The following EPRS1 variants were observed in gnomAD, a reference collection of about 807,000 sequenced individuals.
The protein encoded by EPRS1 is bifunctional glutamate/proline--tRNA ligase.
EPRS1 carries 107 observed loss-of-function variants against 188.3 expected under a neutral mutation model. That is an observed-to-expected ratio of 0.57 (90% CI 0.49 to 0.67). The LOEUF (loss-of-function observed/expected upper bound fraction) is 0.67. Among genes scored for constraint, EPRS1 ranks in the 30% least tolerant of loss-of-function variants. The pLI, the probability that EPRS1 is intolerant of heterozygous loss-of-function variation, is 0.00. For synonymous variants in EPRS1, 596 were observed against 593.1 expected, an observed-to-expected ratio of 1.00 and a Z score of -0.07; for missense variants, 1,577 against 1,802.2, an observed-to-expected ratio of 0.88 and a Z score of 2.26.
At chr1:220,003,627 T>C (rs1187159529) in intron 16 of EPRS1, among the ~76,000 whole-genome samples, 1 of 152,224 alleles carries the variant, frequency 6.6e-6, no homozygotes, top group Non-Finnish European at 1.5e-5. Flanking sequence ...AGCTATTCAG[T>C]TCTTCTAGCA....
chr1:220,025,825 C>T lies in EPRS1; in HGVS notation c.624-567G>A, dbSNP rs560885350. On this transcript the variant is annotated intron_variant, in intron 6 of 31. Transcript: ENST00000366923. ...TTTTTTTTTTTTTGAGACGGAATCT[C>T]GCTCTGTCGCCCAGGCTGGAGTGCA... Among the ~76,000 whole-genome samples, 1,118 of 149,800 alleles carry T rather than the reference C, an allele frequency of 7.5e-3. 21 individuals are homozygous for T. Among genetic ancestry groups the T allele is most frequent in the Non-Finnish European group, 6.7e-3 (456 of 67,696 alleles).
At chr1:220,029,028 C>A (rs536971011) in intron 6 of EPRS1, among the ~76,000 whole-genome samples, 19 of 152,100 alleles carry the variant, frequency 1.2e-4, no homozygotes, top group African/African-American at 4.3e-4. Flanking sequence ...ACTCACTATT[C>A]CCAGAAGTGA....
intron 12 of EPRS1, among the ~76,000 whole-genome samples, chr1:220,016,058 G>T (rs758800367): frequency 1.3e-5 from 2 of 152,126 alleles, no homozygotes; most frequent in Admixed American, 6.5e-5. Context: ...AGACAGAAAA[G>T]TATGCAGGGG....
intron 17 of EPRS1, among the ~76,000 whole-genome samples, chr1:219,999,876 T>C (rs910502431): frequency 8.5e-5 from 13 of 152,150 alleles, no homozygotes; most frequent in Non-Finnish European, 1.9e-4. Context: ...CTTGGGAGGC[T>C]GAGGCAAGAA....
chr1:219,972,981 C>A (rs1203271188), intron 29 of EPRS1, among the ~76,000 whole-genome samples: 3 of 152,136 alleles, frequency 2.0e-5, no homozygotes, highest in Admixed American at 2.0e-4. Flanking sequence ...CTCATAAAAG[C>A]CTAGATTTAA....
chr1:219,982,918 T>G, intron 22 of EPRS1, 74 bp from the exon 23 acceptor site: 1 of 1,310,672 alleles, frequency 7.6e-7, no homozygotes, highest in East Asian at 2.3e-5. Flanking sequence ...TGCAGGCAAA[T>G]TTCCTCTGTT....
At chr1:219,985,978 A>G (rs1399023061) in intron 20 of EPRS1, among the ~76,000 whole-genome samples, 1 of 152,190 alleles carries the variant, frequency 6.6e-6, no homozygotes, top group African/African-American at 2.4e-5. Context: ...GGCACTAAGA[A>G]AGTAAAAGGT....
intron 20 of EPRS1, 46 bp downstream of exon 20, chr1:219,987,096 A>G: frequency 6.4e-7 from 1 of 1,570,180 alleles, no homozygotes; most frequent in Non-Finnish European, 8.6e-7. Context: ...TAAGAATTGA[A>G]TTAATTCACT....
chr1:220,020,870 A>ATATATATATATATATATATATATATG (rs1219334636), intron 9 of EPRS1, among the ~76,000 whole-genome samples: 5 of 77,294 alleles, frequency 6.5e-5, no homozygotes, highest in Non-Finnish European at 1.3e-4. Context: ...ATATATATAT[A>ATATATATATATATATATATATATATG]TTAGTGCATT....
At chr1:220,007,569 C>T (rs1446404388) in intron 13 of EPRS1, among the ~76,000 whole-genome samples, 2 of 152,164 alleles carry the variant, frequency 1.3e-5, no homozygotes, top group Admixed American at 6.5e-5. Context: ...AATACATACT[C>T]GGCCTCAATA....
At position 220,030,401 on chromosome 1, in the gene EPRS1, G is replaced by A; in HGVS notation, c.608C>T (p.Pro203Leu). 1 of 1,613,260 alleles carries A rather than the reference G, an allele frequency of 6.2e-7. No homozygotes were observed. The highest frequency in any genetic ancestry group is 8.5e-7 in the Non-Finnish European group (1 of 1,179,280). The part of the protein sequence containing the change: ...AEMGKVTVRF[P>L]PEASGYLHIG... ...ATTTTCTTACCCACTGGCCTCTGGAGGAAATCTGACGGTAACCTTTCCCAT... is the reference window on the plus strand; with the variant it reads ...ATTTTCTTACCCACTGGCCTCTGGAAGAAATCTGACGGTAACCTTTCCCAT... Residue 203 changes from proline (P) to leucine (L), a missense_variant, in exon 6 of 32, where the codon CCT becomes CTT. Transcript: ENST00000366923.
chr1:219,994,357 G>C (rs1661185178), intron 18 of EPRS1, among the ~76,000 whole-genome samples: 1 of 152,082 alleles, frequency 6.6e-6, no homozygotes, highest in African/African-American at 2.4e-5. Context: ...TACAAGGATG[G>C]GCTCTGGCCA....
rs1405905173 is a variant in EPRS1 at position 220,006,196 on chromosome 1, T to G, written c.1860A>C (p.Pro620=). 12 of 1,606,288 alleles carry G rather than the reference T, an allele frequency of 7.5e-6. No individual in the cohort carries two copies. Among genetic ancestry groups the G allele is most frequent in the Non-Finnish European group, 9.4e-6 (11 of 1,175,100 alleles). Residue 620 remains proline, a synonymous_variant, in exon 15 of 32, where the codon CCA becomes CCC. Coordinates refer to ENST00000366923, the MANE Select transcript of EPRS1 (RefSeq NM_004446.3). ...LAETTHALPI[P]VICVTYEHLI... ...AGTGCTCATAAGTGACACAGATTAC[T>G]GGAATAGGAAGAGCATGTGTAGTCT...
intron 1 of EPRS1, among the ~76,000 whole-genome samples, chr1:220,044,909 C>T (rs1662373561): frequency 6.6e-6 from 1 of 152,144 alleles, no homozygotes; most frequent in Non-Finnish European, 1.5e-5. Flanking sequence ...TGCTCTCAAT[C>T]ATGAAGGCAC....
chr1:219,988,885 C>A, intron 18 of EPRS1, 62 bp from the exon 19 acceptor site: 1 of 1,047,860 alleles, frequency 9.5e-7, no homozygotes, highest in South Asian at 1.5e-5. Context: ...AATTTCAATG[C>A]CATTTAAAAA....
intron 16 of EPRS1, among the ~76,000 whole-genome samples, chr1:220,004,882 C>T (rs1404899697): frequency 6.6e-6 from 1 of 151,538 alleles, no homozygotes; most frequent in Non-Finnish European, 1.5e-5. Context: ...TAAATGTATG[C>T]TGTTTGTACC....
At position 219,980,203 on chromosome 1, in the gene EPRS1, TCATATACCTGAG is replaced by T. The variant is rs1199311017; in HGVS notation, c.3581_3592del (p.Ala1194_Tyr1197del). ...AACAACAGGAATTGCCAGGAGTTCTTCATATACCTGAGCATATAAGTCAAGTATCTGCAAGAC... is the reference window on the plus strand; with the variant it reads ...AACAACAGGAATTGCCAGGAGTTCTTCATATAAGTCAAGTATCTGCAAGAC... On this transcript the variant is annotated inframe_deletion, in exon 26 of 32. Transcript: ENST00000366923. The T allele has an allele frequency of 1.2e-6, 2 of 1,613,432 alleles. No individual in the cohort carries two copies. Among genetic ancestry groups the T allele is most frequent in the African/African-American group, 2.7e-5 (2 of 75,048 alleles).
At chr1:219,986,512 T>C (rs945554912) in intron 20 of EPRS1, among the ~76,000 whole-genome samples, 1 of 152,196 alleles carries the variant, frequency 6.6e-6, no homozygotes, top group Non-Finnish European at 1.5e-5. Flanking sequence ...ATGTCATATA[T>C]GTAGTCCACT....
intron 30 of EPRS1, among the ~76,000 whole-genome samples, chr1:219,970,875 G>C (rs2102557494): frequency 6.6e-6 from 1 of 151,692 alleles, no homozygotes; most frequent in Admixed American, 6.6e-5. Flanking sequence ...AGGATAGAAG[G>C]CTAAACACTG....
Sources: allele counts gnomAD v4.1 joint callset (sites outside exome capture counted in the v4.1 genomes callset), GRCh38; gene constraint gnomAD v4.1.1; transcripts MANE v1.5; gene names NCBI Gene and HGNC (gene_info 2026-07-23, HGNC 2026-07-21).